The following IFIH1 variants were observed in gnomAD, a reference collection of about 807,000 sequenced individuals.
IFIH1 encodes interferon induced with helicase C domain 1, also known as interferon-induced helicase C domain-containing protein 1.
IFIH1 carries 125 observed loss-of-function variants against 107.4 expected under a neutral mutation model. That is an observed-to-expected ratio of 1.16 (90% confidence interval 1.01 to 1.35). The LOEUF (loss-of-function observed/expected upper bound fraction) is 1.35, where lower values mean the gene tolerates loss of function less well. Among genes scored for constraint, IFIH1 ranks in the 40% most tolerant of loss-of-function variants. The pLI is 0.00. For missense variants in IFIH1, 1,333 were observed against 1,213.7 expected (o/e 1.10, Z -1.46); for synonymous variants, 458 against 413.2 (o/e 1.11, Z -1.31).
intron 12 of IFIH1, 67 bp from the exon 13 acceptor site, chr2:162,272,454 T>A (rs1691061661): frequency 4.4e-6 from 6 of 1,360,112 alleles, no homozygotes; most frequent in Non-Finnish European, 6.1e-6. Context: ...TGGTTTTTTC[T>A]GGGAATGATA....
At chr2:162,274,592 A>G (rs570534199) in intron 11 of IFIH1, among the ~76,000 whole-genome samples, 8 of 152,180 alleles carry the variant, frequency 5.3e-5, no homozygotes, top group Non-Finnish European at 1.2e-4. Context: ...CAATATAAAT[A>G]AAAATGAAAG....
intron 5 of IFIH1, among the ~76,000 whole-genome samples, chr2:162,286,460 A>G (rs1682895188): frequency 6.6e-6 from 1 of 151,968 alleles, no homozygotes; most frequent in South Asian, 2.1e-4. Flanking sequence ...AAAGGAAGAA[A>G]GCTGAATCTC....
rs1690941026 is a variant in IFIH1 at position 162,267,197 on chromosome 2, G to A, written c.*3C>T. Reference sequence around the variant, plus strand: ...GTATTTTAAAAGAATCTTCAATCAAGTGCTAATCCTCATCACTAAATAAAC... The same window carrying A: ...GTATTTTAAAAGAATCTTCAATCAAATGCTAATCCTCATCACTAAATAAAC... On this transcript the variant is annotated 3_prime_UTR_variant, in exon 16 of 16. Coordinates refer to ENST00000649979, the MANE Select transcript of IFIH1 (RefSeq NM_022168.4). 1 of 1,570,382 alleles carries A rather than the reference G, an allele frequency of 6.4e-7. No homozygotes were observed. Among genetic ancestry groups the A allele is most frequent in the Non-Finnish European group, 8.6e-7 (1 of 1,160,918 alleles).
chr2:162,298,808 ACACT>A (rs1287166989), intron 3 of IFIH1, among the ~76,000 whole-genome samples: 3 of 151,920 alleles, frequency 2.0e-5, no homozygotes, highest in Non-Finnish European at 4.4e-5. Context: ...ACACACACAC[ACACT>A]CACATTTTGG....
rs753514874 is a variant in IFIH1, at chr2:162,267,328, T to C, written c.2950A>G (p.Ile984Val). The C allele has an allele frequency of 1.2e-6, 2 of 1,612,868 alleles. No homozygotes were observed. The highest frequency in any genetic ancestry group is 1.7e-5 in the Admixed American group (1 of 59,788). The change falls in exon 16 of 16, where the codon ATA (isoleucine) becomes GTA (valine). Residue 984 changes from isoleucine (I) to valine (V), a missense_variant. By Grantham distance (29) the Ile-to-Val change is conservative. Transcript: ENST00000649979. ...TTGAAAACCACTACAAAATTCCTTA[T>C]TTTGAGACAAGGCAAATCTAAGCCT... is the stretch of plus-strand genomic sequence containing the variant. ...HKGLDLPCLK[I>V]RNFVVVFKNN... is the part of the protein sequence containing the mutation.
intron 1 of IFIH1, among the ~76,000 whole-genome samples, chr2:162,315,617 C>G (rs1683477705): frequency 2.0e-5 from 3 of 152,140 alleles, no homozygotes; most frequent in African/African-American, 7.2e-5. Context: ...TCCATTTTCA[C>G]AGGTAAATGT....
intron 3 of IFIH1, among the ~76,000 whole-genome samples, chr2:162,300,650 C>G (rs1683177461): frequency 6.6e-6 from 1 of 152,162 alleles, no homozygotes. Context: ...CTCAGTAGTA[C>G]TGCTAGTTCT....
rs1057520076 is a variant in IFIH1 at position 162,288,297 on chromosome 2, G to A, written c.933C>T (p.Tyr311=). The A allele has an allele frequency of 6.2e-7, 1 of 1,612,676 alleles. No individual in the cohort carries two copies. Among genetic ancestry groups the A allele is most frequent in the African/African-American group, 1.3e-5 (1 of 74,768 alleles). The part of the protein sequence containing the change: ...SPEPELQLRP[Y]QMEVAQPALE... ...AGGCTGGCTGGGCAACTTCCATTTG[G>A]TAAGGCCTGAGCTGGAGTTCTGGCT... is the stretch of plus-strand genomic sequence containing the variant. The change falls in exon 5 of 16, where the codon TAC becomes TAT. Residue 311 remains tyrosine (Y), a synonymous_variant. Coordinates refer to ENST00000649979, the MANE Select transcript of IFIH1 (RefSeq NM_022168.4).
At chr2:162,288,917 G>GCA (rs3051152) in intron 4 of IFIH1, among the ~76,000 whole-genome samples, 7,283 of 135,314 alleles carry the variant, frequency 0.054, 221 homozygotes, top group East Asian at 0.15. Flanking sequence ...ATACCAAAAA[G>GCA]CACACACACA....
At chr2:162,309,250 A>G (rs1358140343) in intron 2 of IFIH1, among the ~76,000 whole-genome samples, 1 of 152,080 alleles carries the variant, frequency 6.6e-6, no homozygotes, top group African/African-American at 2.4e-5. Flanking sequence ...TGCTCTCTCT[A>G]AGGGCTCCAT....
At chr2:162,303,172 T>C (rs1576235707) in intron 3 of IFIH1, among the ~76,000 whole-genome samples, 1 of 152,208 alleles carries the variant, frequency 6.6e-6, no homozygotes, top group Non-Finnish European at 1.5e-5. Context: ...TGGAGTGCAA[T>C]GGTGCAATCT....
Position 162,285,289 on chromosome 2 carries a change from C to A in IFIH1, c.1096-2713G>T, listed in dbSNP as rs576106868. On this transcript the variant is annotated intron_variant, in intron 5 of 15. Transcript: ENST00000649979. The stretch of plus-strand genomic sequence containing the variant: ...GGGAACACAGGTGGTGTTTTCATTT[C>A]TCTCTGCATTCGAAGGCTATAACTT... Among the ~76,000 whole-genome samples, 21 of 152,042 alleles carry A rather than the reference C, an allele frequency of 1.4e-4. No homozygotes were observed. The South Asian group carries it at 4.3e-3, about 31-fold the overall frequency.
At chr2:162,277,360 G>A in intron 10 of IFIH1, 55 bp downstream of exon 10, 1 of 1,246,310 alleles carries the variant, frequency 8.0e-7, no homozygotes, top group South Asian at 1.4e-5. Flanking sequence ...GAAGCAGTAA[G>A]TTCATGTTGA....
intron 2 of IFIH1, among the ~76,000 whole-genome samples, chr2:162,308,071 G>C (rs1323199933): frequency 6.6e-5 from 10 of 152,158 alleles, no homozygotes; most frequent in Admixed American, 6.5e-4. Flanking sequence ...TATGTATCAG[G>C]ACCCAGAGTC....
chr2:162,275,296 C>T (rs1691130448), intron 11 of IFIH1, among the ~76,000 whole-genome samples: 1 of 152,170 alleles, frequency 6.6e-6, no homozygotes, highest in African/African-American at 2.4e-5. Flanking sequence ...TGCACTCTAC[C>T]TCTTTTTACA....
intron 12 of IFIH1, among the ~76,000 whole-genome samples, 187 bp from the exon 13 acceptor site, chr2:162,272,574 A>G (rs1464875149): frequency 6.6e-6 from 1 of 152,188 alleles, no homozygotes; most frequent in Non-Finnish European, 1.5e-5. Context: ...GCTCTTTGAA[A>G]CTTATAATAT....
intron 1 of IFIH1, among the ~76,000 whole-genome samples, chr2:162,315,195 A>C (rs1033449364): frequency 6.6e-6 from 1 of 152,186 alleles, no homozygotes; most frequent in Non-Finnish European, 1.5e-5. Context: ...TGGAAATCTT[A>C]TTTTCATCAT....
In IFIH1 at chr2:162,306,783, T is replaced by C. The variant is rs1683288766; in HGVS notation, c.695A>G (p.Asn232Ser). The stretch of plus-strand genomic sequence containing the variant: ...CATGCCCCAGACCTCCTTCTCCAGA[T>C]TTGGCTGAACTGTGGTTGAAAGAAG... ...EQLLSTTVQPNLEKEVWGMEN... is the reference protein window; with the variant it reads ...EQLLSTTVQPSLEKEVWGMEN... The change falls in exon 3 of 16, where the codon AAT becomes AGT. Residue 232 changes from asparagine (N) to serine (S), a missense_variant. Coordinates refer to ENST00000649979, the MANE Select transcript of IFIH1 (RefSeq NM_022168.4). 6.2e-7 allele frequency: 1 copy of C among 1,613,956 alleles called. No individual in the cohort carries two copies. Among genetic ancestry groups the C allele is most frequent in the Non-Finnish European group, 8.5e-7 (1 of 1,179,890 alleles).
Position 162,282,577 on chromosome 2 carries a change from C to G in IFIH1, c.1096-1G>C. ...GGAAGAGCTGTTCAACTAGCAGTAC[C>G]TTAAAAAAATGTGAAGATTTTTTAA... is the stretch of plus-strand genomic sequence containing the variant. On this transcript the variant is annotated splice_acceptor_variant, in intron 5 of 15. Transcript: ENST00000649979. LOFTEE classifies it high-confidence loss of function. The G allele has an allele frequency of 6.3e-7, 1 of 1,591,768 alleles. No homozygotes were observed. Among genetic ancestry groups the G allele is most frequent in the Non-Finnish European group, 8.6e-7 (1 of 1,167,820 alleles).
Sources: allele counts gnomAD v4.1 joint callset (sites outside exome capture counted in the v4.1 genomes callset), GRCh38; gene constraint gnomAD v4.1.1; transcripts MANE v1.5; gene names NCBI Gene and HGNC (gene_info 2026-07-23, HGNC 2026-07-21).